SHISA9: variants seen among roughly 807,000 people sequenced by gnomAD.
SHISA9 encodes the protein protein shisa-9.
In SHISA9, 13 loss-of-function variants were observed where a neutral mutation model predicts 38.0. The observed-to-expected ratio is 0.34, with a 90% CI of 0.22 to 0.54. The LOEUF is 0.54. Among genes scored for constraint, SHISA9 ranks in the 20% least tolerant of loss-of-function variants. The pLI is 0.91. For synonymous variants in SHISA9, 275 were observed against 242.0 expected, an observed-to-expected ratio of 1.14 and a Z score of -1.27; for missense variants, 538 against 575.8, an observed-to-expected ratio of 0.93 and a Z score of 0.67.
intron 2 of SHISA9, among the ~76,000 whole-genome samples, chr16:12,986,755 G>T (rs2072315408): frequency 6.6e-6 from 1 of 152,196 alleles, no homozygotes; most frequent in Admixed American, 6.5e-5. Flanking sequence ...CTCTTATTTA[G>T]TCCTGACAAT....
chr16:13,283,191 A>G, the SHISA9 span, among the ~76,000 whole-genome samples: 1 of 152,122 alleles, frequency 6.6e-6, no homozygotes, highest in East Asian at 1.9e-4. Context: ...ACTTTGTGCA[A>G]CTTTGGCTTT....
At chr16:13,428,523 G>A in the SHISA9 span, among the ~76,000 whole-genome samples, 2 of 152,146 alleles carry the variant, frequency 1.3e-5, no homozygotes, top group Non-Finnish European at 2.9e-5. Flanking sequence ...CTTGAAGATA[G>A]TCATAAAACC....
chr16:13,104,249 G>A (rs1397829451), intron 2 of SHISA9, among the ~76,000 whole-genome samples: 1 of 152,096 alleles, frequency 6.6e-6, no homozygotes, highest in Non-Finnish European at 1.5e-5. Context: ...GAGCTTGGGT[G>A]GGAATGTAAA....
chr16:13,342,211 G>A, the SHISA9 span, among the ~76,000 whole-genome samples: 2 of 152,120 alleles, frequency 1.3e-5, no homozygotes, highest in Non-Finnish European at 2.9e-5. Context: ...TATTTCACGT[G>A]CTCTATATCT....
At chr16:13,481,651 C>G in the SHISA9 span, among the ~76,000 whole-genome samples, 3 of 152,114 alleles carry the variant, frequency 2.0e-5, no homozygotes, top group Non-Finnish European at 4.4e-5. Context: ...GTACCATGCC[C>G]GGCACATAGA....
the SHISA9 span, among the ~76,000 whole-genome samples, chr16:13,556,383 C>T: frequency 6.6e-5 from 10 of 152,196 alleles, no homozygotes; most frequent in South Asian, 1.2e-3. Context: ...TGAATCATTC[C>T]GCTTTTCACT....
intron 2 of SHISA9, among the ~76,000 whole-genome samples, chr16:12,936,009 C>T (rs566564407): frequency 6.6e-6 from 1 of 152,172 alleles, no homozygotes; most frequent in Admixed American, 6.5e-5. Context: ...GGCTGCCTTC[C>T]AGAGTGAGGA....
At chr16:12,919,402 A>G (rs1007224336) in intron 2 of SHISA9, among the ~76,000 whole-genome samples, 2 of 152,242 alleles carry the variant, frequency 1.3e-5, no homozygotes, top group African/African-American at 4.8e-5. Context: ...CTGAACATCC[A>G]AGTTGTTAGA....
At chr16:13,207,960 C>T (rs1259022986) in intron 3 of SHISA9, among the ~76,000 whole-genome samples, 1 of 152,138 alleles carries the variant, frequency 6.6e-6, no homozygotes, top group Non-Finnish European at 1.5e-5. Flanking sequence ...AGAGGTTAGA[C>T]AATCTTTAGC....
At chr16:13,359,388 C>T in the SHISA9 span, among the ~76,000 whole-genome samples, 2 of 152,150 alleles carry the variant, frequency 1.3e-5, no homozygotes, top group Non-Finnish European at 2.9e-5. Context: ...GAGGCTGAGG[C>T]AGGAGAATTG....
chr16:13,314,470 C>A, the SHISA9 span, among the ~76,000 whole-genome samples: 1 of 152,142 alleles, frequency 6.6e-6, no homozygotes, highest in South Asian at 2.1e-4. Context: ...AAACTCCTGA[C>A]CTTTGGTGAT....
the SHISA9 span, among the ~76,000 whole-genome samples, chr16:13,478,829 G>T: frequency 3.9e-5 from 6 of 152,142 alleles, no homozygotes; most frequent in Admixed American, 3.9e-4. Context: ...CCTAATATCT[G>T]GGAGTGGTGC....
chr16:12,948,527 C>CA (rs1177091773), intron 2 of SHISA9, among the ~76,000 whole-genome samples: 2 of 152,184 alleles, frequency 1.3e-5, no homozygotes, highest in Non-Finnish European at 2.9e-5. Flanking sequence ...GTTTATTTCT[C>CA]AGAGTTTGGA....
At chr16:13,307,458 G>A in the SHISA9 span, among the ~76,000 whole-genome samples, 192 of 152,304 alleles carry the variant, frequency 1.3e-3, no homozygotes, top group African/African-American at 4.0e-3. Flanking sequence ...TGTTCTAGTA[G>A]AAGCACGTGG....
At chr16:13,383,934 C>T in the SHISA9 span, among the ~76,000 whole-genome samples, 7 of 152,236 alleles carry the variant, frequency 4.6e-5, no homozygotes, top group East Asian at 1.9e-4. Flanking sequence ...GGATTACAGA[C>T]GTGAGCCACC....
chr16:13,548,207 C>G, the SHISA9 span, among the ~76,000 whole-genome samples: 2 of 152,116 alleles, frequency 1.3e-5, no homozygotes, highest in Non-Finnish European at 2.9e-5. Context: ...ATAAAAAAGT[C>G]AACTCACAAT....
the SHISA9 span, among the ~76,000 whole-genome samples, chr16:13,455,033 C>A: frequency 6.6e-6 from 1 of 152,018 alleles, no homozygotes; most frequent in South Asian, 2.1e-4. Context: ...TATCATATCC[C>A]CTAAGTCATT....
chr16:13,262,678 G>GAGGGAGGGAGGGAGGACGGA, the SHISA9 span, among the ~76,000 whole-genome samples: 1 of 55,864 alleles, frequency 1.8e-5, no homozygotes. Flanking sequence ...GGAAGGGAGG[G>GAGGGAGGGAGGGAGGACGGA]AGGAAGGAAG....
the SHISA9 span, among the ~76,000 whole-genome samples, chr16:13,505,839 G>T: frequency 6.6e-6 from 1 of 152,160 alleles, no homozygotes; most frequent in African/African-American, 2.4e-5. Flanking sequence ...AGAAACCTTT[G>T]TCCCCCCATG....
Sources: gnomAD v4.1 joint callset for allele counts (sites outside exome capture counted in the v4.1 genomes callset) on GRCh38, gnomAD v4.1.1 for gene constraint, MANE v1.5 for transcripts, NCBI Gene and HGNC (gene_info 2026-07-23, HGNC 2026-07-21) for gene names.